The following SPIN4 variants were observed in gnomAD, a reference collection of about 807,000 sequenced individuals.
SPIN4 encodes spindlin-4.
A neutral mutation model predicts 10.4 loss-of-function variants in SPIN4; 4 were observed. The ratio of observed to expected loss-of-function variants is 0.38; its 90% CI spans 0.19 to 0.88. The LOEUF is 0.88. SPIN4 is among the 40% of genes least tolerant of loss of function. The probability of loss-of-function intolerance (pLI) is 0.40; values close to 1 mark genes in which losing one functional copy is unlikely to be tolerated. For missense variants in SPIN4, 126 were observed against 198.7 expected (o/e 0.63, Z 2.20); for synonymous variants, 71 against 78.4 (o/e 0.91, Z 0.50).
Position 63,350,863 on chromosome X carries a change from C to G in SPIN4, c.-44G>C. 1 of 1,152,769 alleles carries G rather than the reference C, an allele frequency of 8.7e-7. No homozygotes were observed. Among genetic ancestry groups the G allele is most frequent in the Non-Finnish European group, 1.2e-6 (1 of 866,418 alleles). On this transcript the variant is annotated 5_prime_UTR_variant, in exon 1 of 1. Coordinates refer to ENST00000374884, the MANE Select transcript of SPIN4 (RefSeq NM_001012968.3). The stretch of plus-strand genomic sequence containing the variant: ...GCTTGGGGAAAGCTGCTGCCCTGGT[C>G]GATTAAACTGACAAAAAGTCAACAC...
At position 63,350,772 on chromosome X, in the gene SPIN4, T is replaced by G. The variant is rs782171378; in HGVS notation, c.48A>C (p.Ala16=). 14 of 1,206,418 alleles carry G rather than the reference T, an allele frequency of 1.2e-5. No individual in the cohort carries two copies. Among genetic ancestry groups the G allele is most frequent in the Non-Finnish European group, 1.1e-5 (10 of 892,595 alleles). ...GGGTGTGCCTTTTCTTCATCAGGTA[T>G]GCGGACACGCCATCTACCCCCATCG... ...VPPMGVDGVS[A]YLMKKRHTHR... Residue 16 remains alanine (A), a synonymous_variant, in exon 1 of 1, where the codon GCA becomes GCC. Coordinates refer to ENST00000374884, the MANE Select transcript of SPIN4 (RefSeq NM_001012968.3).
Position 63,349,050 on chromosome X carries a change from T to G in SPIN4, c.*1020A>C, listed in dbSNP as rs1394033334. 2.7e-5 allele frequency: 3 copies of G among 112,028 alleles called. No homozygotes were observed. The highest frequency in any genetic ancestry group is 5.6e-5 in the Non-Finnish European group (3 of 53,204). 9.2% of individuals were successfully genotyped at this position (112,028 alleles called of 1,213,427 possible). A position where few individuals can be genotyped will look rare whatever the true frequency, so the allele number is the denominator to read the frequency against. On this transcript the variant is annotated 3_prime_UTR_variant, in exon 1 of 1. Transcript: ENST00000374884. Reference sequence around the variant, plus strand: ...CAAATGATTAATATGCACTATGTAGTAAGAATTTCTACAAATTTATAATGA... The same window carrying G: ...CAAATGATTAATATGCACTATGTAGGAAGAATTTCTACAAATTTATAATGA...
Position 63,350,547 on chromosome X carries a change from G to C in SPIN4, c.273C>G (p.Arg91=). The C allele has an allele frequency of 8.3e-7, 1 of 1,210,271 alleles. No homozygotes were observed. Among genetic ancestry groups the C allele is most frequent in the Non-Finnish European group, 1.1e-6 (1 of 894,768 alleles). ...TCTCTAGCGCTAAAACTCTCTTATC[G>C]CGGTGCAGTTCTAGTCCATACACAC... ...KDSVYGLELH[R]DKRVLALEIL... Residue 91 remains arginine (R), a synonymous_variant, in exon 1 of 1, where the codon CGC becomes CGG. Transcript: ENST00000374884.
At position 63,348,935 on chromosome X, in the gene SPIN4, A is replaced by G. The variant is rs1422689387; in HGVS notation, c.*1135T>C. On this transcript the variant is annotated 3_prime_UTR_variant, in exon 1 of 1. Transcript: ENST00000374884. ...AAGGAAACCAAAATCTATAAAAGAG[A>G]TAAGGGTCTACCTAAAAAGTTTAAA... is the stretch of plus-strand genomic sequence containing the variant. 1.8e-5 allele frequency: 2 copies of G among 112,214 alleles called. No homozygotes were observed. The highest frequency in any genetic ancestry group is 1.9e-5 in the Non-Finnish European group (1 of 53,228). The allele number at this position is 112,214 out of a possible 1,213,427, so 9.2% of individuals were successfully genotyped here. A position where few individuals can be genotyped will look rare whatever the true frequency, so the allele number is the denominator to read the frequency against.
chrX:63,351,135 C>T lies in SPIN4; in HGVS notation c.-316G>A, dbSNP rs1240594912. ...TCGTGCCTTGCGTCCGCCCCAACCCCGACCCCAAGTCCCCGAATCGGCCAC... is the reference window on the plus strand; with the variant it reads ...TCGTGCCTTGCGTCCGCCCCAACCCTGACCCCAAGTCCCCGAATCGGCCAC... On this transcript the variant is annotated 5_prime_UTR_variant, in exon 1 of 1. Coordinates refer to ENST00000374884, the MANE Select transcript of SPIN4 (RefSeq NM_001012968.3). 1.3e-5 allele frequency: 3 copies of T among 239,216 alleles called. No individual in the cohort carries two copies. Among genetic ancestry groups the T allele is most frequent in the African/African-American group, 8.5e-5 (3 of 35,175 alleles). 19.7% of individuals were successfully genotyped at this position (239,216 alleles called of 1,213,427 possible). A position where few individuals can be genotyped will look rare whatever the true frequency, so the allele number is the denominator to read the frequency against.
chrX:63,348,517 G>GTCATTTAATTTTAATTA lies in SPIN4; in HGVS notation c.*1552_*1553insTAATTAAAATTAAATGA, dbSNP rs1932960097. On this transcript the variant is annotated 3_prime_UTR_variant, in exon 1 of 1. Transcript: ENST00000374884. Reference sequence around the variant, plus strand: ...TAAACAAAAATGCAGGATTTTAATTGTGATGTCAGCCATCATAATTAGAAT... The same window carrying GTCATTTAATTTTAATTA: ...TAAACAAAAATGCAGGATTTTAATTGTCATTTAATTTTAATTATGATGTCAGCCATCATAATTAGAAT... The GTCATTTAATTTTAATTA allele has an allele frequency of 9.1e-6, 1 of 110,086 alleles. No individual in the cohort carries two copies. Among genetic ancestry groups the GTCATTTAATTTTAATTA allele is most frequent in the African/African-American group, 3.3e-5 (1 of 30,316 alleles). The allele number at this position is 110,086 out of a possible 1,213,427, so 9.1% of individuals were successfully genotyped here.
Position 63,351,162 on chromosome X carries a change from T to G in SPIN4, c.-343A>C. ...ACCCCAAGTCCCCGAATCGGCCACT[T>G]AGCTGTTGTCGATGCTGGTGCGGCT... On this transcript the variant is annotated 5_prime_UTR_variant, in exon 1 of 1. Transcript: ENST00000374884. 4.9e-6 allele frequency: 1 copy of G among 204,817 alleles called. No homozygotes were observed. Among genetic ancestry groups the G allele is most frequent in the Non-Finnish European group, 9.6e-6 (1 of 104,654 alleles). The allele number at this position is 204,817 out of a possible 1,213,427, so 16.9% of individuals were successfully genotyped here.
At position 63,349,926 on chromosome X, in the gene SPIN4, C is replaced by T. The variant is rs1311868548; in HGVS notation, c.*144G>A. ...CTTGAGGCAAAATTGTGAAACTAGTCAAGGTAAGATTTGTTGGCACAATAA... is the reference window on the plus strand; with the variant it reads ...CTTGAGGCAAAATTGTGAAACTAGTTAAGGTAAGATTTGTTGGCACAATAA... On this transcript the variant is annotated 3_prime_UTR_variant, in exon 1 of 1. Transcript: ENST00000374884. 8 of 650,799 alleles carry T rather than the reference C, an allele frequency of 1.2e-5. 1 individual carries two copies. In the South Asian group the frequency reaches 2.2e-4, roughly 18 times the overall value. The allele number at this position is 650,799 out of a possible 1,213,427, so 53.6% of individuals were successfully genotyped here.
At position 63,348,049 on chromosome X, in the gene SPIN4, G is replaced by A. The variant is rs1328703282; in HGVS notation, c.*2021C>T. The stretch of plus-strand genomic sequence containing the variant: ...GCATTCTTACTTCCATGAAAATTAA[G>A]AACAAGACAGTCACGTCTGTCATCA... On this transcript the variant is annotated 3_prime_UTR_variant, in exon 1 of 1. Coordinates refer to ENST00000374884, the MANE Select transcript of SPIN4 (RefSeq NM_001012968.3). The A allele has an allele frequency of 5.8e-4, 64 of 110,826 alleles. No individual in the cohort carries two copies. Among genetic ancestry groups the A allele is most frequent in the African/African-American group, 1.9e-3 (57 of 30,528 alleles). The allele number at this position is 110,826 out of a possible 1,213,427, so 9.1% of individuals were successfully genotyped here. A position where few individuals can be genotyped will look rare whatever the true frequency, so the allele number is the denominator to read the frequency against.
In SPIN4 at chrX:63,350,116, T is replaced by C; in HGVS notation, c.704A>G (p.Asp235Gly). The C allele has an allele frequency of 8.3e-7, 1 of 1,209,371 alleles. No individual in the cohort carries two copies. The highest frequency in any genetic ancestry group is 1.1e-6 in the Non-Finnish European group (1 of 893,820). The change falls in exon 1 of 1, where the codon GAT becomes GGT. Residue 235 changes from aspartate to glycine, a missense_variant. Asp to Gly is a moderately conservative substitution (Grantham distance 94). Coordinates refer to ENST00000374884, the MANE Select transcript of SPIN4 (RefSeq NM_001012968.3). ...AKPSVYFIKF[D>G]DDIHIYVYGL... The stretch of plus-strand genomic sequence containing the variant: ...ATAGACATAAATGTGAATATCATCA[T>C]CAAACTTAATGAAGTAAACAGATGG...
rs1932989610 is a variant in SPIN4 at position 63,350,933 on chromosome X, T to G, written c.-114A>C. ...ATTTTTTGCGATCTCAAAGACCTGGTCTGTGCTCCCTTCTCCAAGTGCAAG... is the reference window on the plus strand; with the variant it reads ...ATTTTTTGCGATCTCAAAGACCTGGGCTGTGCTCCCTTCTCCAAGTGCAAG... On this transcript the variant is annotated 5_prime_UTR_variant, in exon 1 of 1. Transcript: ENST00000374884. 1 of 945,996 alleles carries G rather than the reference T, an allele frequency of 1.1e-6. No homozygotes were observed. The highest frequency in any genetic ancestry group is 3.7e-5 in the Admixed American group (1 of 27,007). The allele number at this position is 945,996 out of a possible 1,213,427, so 78.0% of individuals were successfully genotyped here. A position where few individuals can be genotyped will look rare whatever the true frequency, so the allele number is the denominator to read the frequency against.
In SPIN4 at chrX:63,349,196, T is replaced by C. The variant is rs188129702; in HGVS notation, c.*874A>G. ...GAACTCAGACAAAAGGCAATTAAAC[T>C]AACAAGCAATACAATGCAATTTTTA... On this transcript the variant is annotated 3_prime_UTR_variant, in exon 1 of 1. Coordinates refer to ENST00000374884, the MANE Select transcript of SPIN4 (RefSeq NM_001012968.3). 1.8e-5 allele frequency: 2 copies of C among 111,651 alleles called. No individual in the cohort carries two copies. The highest frequency in any genetic ancestry group is 6.5e-5 in the African/African-American group (2 of 30,703). 9.2% of individuals were successfully genotyped at this position (111,651 alleles called of 1,213,427 possible).
rs1932975246 is a variant in SPIN4, at chrX:63,349,632, T to C, written c.*438A>G. On this transcript the variant is annotated 3_prime_UTR_variant, in exon 1 of 1. Coordinates refer to ENST00000374884, the MANE Select transcript of SPIN4 (RefSeq NM_001012968.3). ...GTGAGAAAAGCATGTGGCTTGCCAT[T>C]TTTACAGAAACTACTAGAACATACT... 8.5e-6 allele frequency: 1 copy of C among 117,215 alleles called. No homozygotes were observed. Among genetic ancestry groups the C allele is most frequent in the Admixed American group, 8.7e-5 (1 of 11,435 alleles). 9.7% of individuals were successfully genotyped at this position (117,215 alleles called of 1,213,427 possible). A position where few individuals can be genotyped will look rare whatever the true frequency, so the allele number is the denominator to read the frequency against.
rs1382894093 is a variant in SPIN4 at position 63,348,904 on chromosome X, T to TA, written c.*1165dup. On this transcript the variant is annotated 3_prime_UTR_variant, in exon 1 of 1. Transcript: ENST00000374884. Reference sequence around the variant, plus strand: ...ACTTTGGGTGGGGGCATCCATGTGATAAAAAAAGGAAACCAAAATCTATAA... The same window carrying TA: ...ACTTTGGGTGGGGGCATCCATGTGATAAAAAAAAGGAAACCAAAATCTATAA... The TA allele has an allele frequency of 9.0e-5, 10 of 111,022 alleles. No homozygotes were observed. Among genetic ancestry groups the TA allele is most frequent in the Non-Finnish European group, 1.5e-4 (8 of 52,840 alleles). The allele number at this position is 111,022 out of a possible 1,213,427, so 9.1% of individuals were successfully genotyped here. A position where few individuals can be genotyped will look rare whatever the true frequency, so the allele number is the denominator to read the frequency against.
Position 63,351,112 on chromosome X carries a change from G to C in SPIN4, c.-293C>G, listed in dbSNP as rs1602059278. ...GATGGCGGGCTCGCGAGTGCTGTTCGTGCCTTGCGTCCGCCCCAACCCCGA... is the reference window on the plus strand; with the variant it reads ...GATGGCGGGCTCGCGAGTGCTGTTCCTGCCTTGCGTCCGCCCCAACCCCGA... On this transcript the variant is annotated 5_prime_UTR_variant, in exon 1 of 1. Coordinates refer to ENST00000374884, the MANE Select transcript of SPIN4 (RefSeq NM_001012968.3). 1.5e-5 allele frequency: 4 copies of C among 272,657 alleles called. No homozygotes were observed. The highest frequency in any genetic ancestry group is 1.2e-4 in the East Asian group (2 of 16,767). The allele number at this position is 272,657 out of a possible 1,213,427, so 22.5% of individuals were successfully genotyped here. A position where few individuals can be genotyped will look rare whatever the true frequency, so the allele number is the denominator to read the frequency against.
At position 63,349,930 on chromosome X, in the gene SPIN4, G is replaced by A; in HGVS notation, c.*140C>T. On this transcript the variant is annotated 3_prime_UTR_variant, in exon 1 of 1. Transcript: ENST00000374884. ...AGGCAAAATTGTGAAACTAGTCAAG[G>A]TAAGATTTGTTGGCACAATAAAATT... 1.5e-6 allele frequency: 1 copy of A among 679,968 alleles called. No individual in the cohort carries two copies. The highest frequency in any genetic ancestry group is 2.1e-6 in the Non-Finnish European group (1 of 477,491). 56.0% of individuals were successfully genotyped at this position (679,968 alleles called of 1,213,427 possible).
In SPIN4 at chrX:63,347,984, T is replaced by C. The variant is rs1178132104; in HGVS notation, c.*2086A>G. ...CTACCTACTAATAACCAAAAGTAAATGTCATACTAATAGGGAATACTATTC... is the reference window on the plus strand; with the variant it reads ...CTACCTACTAATAACCAAAAGTAAACGTCATACTAATAGGGAATACTATTC... On this transcript the variant is annotated 3_prime_UTR_variant, in exon 1 of 1. Coordinates refer to ENST00000374884, the MANE Select transcript of SPIN4 (RefSeq NM_001012968.3). 1.8e-5 allele frequency: 2 copies of C among 111,226 alleles called. No individual in the cohort carries two copies. The highest frequency in any genetic ancestry group is 3.8e-5 in the Non-Finnish European group (2 of 52,810). 9.2% of individuals were successfully genotyped at this position (111,226 alleles called of 1,213,427 possible).
rs1556016615 is a variant in SPIN4 at position 63,350,811 on chromosome X, A to C, written c.9T>G (p.Pro3=). 1 of 1,197,088 alleles carries C rather than the reference A, an allele frequency of 8.4e-7. No individual in the cohort carries two copies. The highest frequency in any genetic ancestry group is 2.2e-5 in the Admixed American group (1 of 45,470). MS[P]PTVPPMGVDG... is the part of the protein sequence containing the mutation. ...CTACCCCCATCGGAGGCACGGTTGG[A>C]GGAGACATAGCTCAGGGATTAAGAG... The change falls in exon 1 of 1, where the codon CCT becomes CCG. Residue 3 remains proline (P), a synonymous_variant. Coordinates refer to ENST00000374884, the MANE Select transcript of SPIN4 (RefSeq NM_001012968.3).
chrX:63,351,305 G>C lies in SPIN4; in HGVS notation c.-486C>G, dbSNP rs1932995602. 8.5e-6 allele frequency: 1 copy of C among 117,426 alleles called. No homozygotes were observed. The highest frequency in any genetic ancestry group is 3.2e-5 in the African/African-American group (1 of 31,057). 9.7% of individuals were successfully genotyped at this position (117,426 alleles called of 1,213,427 possible). On this transcript the variant is annotated 5_prime_UTR_variant, in exon 1 of 1. Transcript: ENST00000374884. The stretch of plus-strand genomic sequence containing the variant: ...GGGGAGTCCGCGCGGCCTGGGCTTC[G>C]CAGCGCTAGCTGGCTTGGCTTCACT...
Sources: allele counts gnomAD v4.1 joint callset, GRCh38; gene constraint gnomAD v4.1.1; transcripts MANE v1.5; gene names NCBI Gene and HGNC (gene_info 2026-07-23, HGNC 2026-07-21).